MAPK10: variants seen among roughly 807,000 people sequenced by gnomAD.
MAPK10 encodes the protein mitogen-activated protein kinase 10, also known as JNK3 alpha protein kinase.
In MAPK10, 25 loss-of-function variants were observed where a neutral mutation model predicts 59.3. That is an observed-to-expected ratio of 0.42 (90% confidence interval 0.31 to 0.59). The LOEUF is 0.59. MAPK10 is among the 20% of genes least tolerant of loss of function. MAPK10 has a pLI of 0.15. For synonymous variants in MAPK10, 190 were observed against 200.5 expected (o/e 0.95, Z 0.44); for missense variants, 351 against 568.9 (o/e 0.62, Z 3.90).
chr4:86,294,089 C>T (rs938911985), intron 2 of MAPK10, among the ~76,000 whole-genome samples: 1 of 152,194 alleles, frequency 6.6e-6, no homozygotes, highest in Non-Finnish European at 1.5e-5. Context: ...CGGACATACA[C>T]CCGGCTTCTT....
intron 2 of MAPK10, among the ~76,000 whole-genome samples, chr4:86,323,504 T>TAAAAAAAAAAAA (rs1461999976): frequency 6.6e-6 from 1 of 152,182 alleles, no homozygotes; most frequent in Non-Finnish European, 1.5e-5. Flanking sequence ...TCCAAGATCA[T>TAAAAAAAAAAAA]ATAAAAAGCA....
At chr4:86,462,004 G>A (rs1249067381) in intron 1 of MAPK10, among the ~76,000 whole-genome samples, 1 of 152,142 alleles carries the variant, frequency 6.6e-6, no homozygotes, top group Non-Finnish European at 1.5e-5. Flanking sequence ...TGCCATGCAG[G>A]GCCCATCCTG....
At chr4:86,297,749 T>TC in intron 2 of MAPK10, among the ~76,000 whole-genome samples, 2 of 151,524 alleles carry the variant, frequency 1.3e-5, no homozygotes, top group South Asian at 2.1e-4. Context: ...TCTCTACTCT[T>TC]TACTCTAATT....
intron 4 of MAPK10, among the ~76,000 whole-genome samples, chr4:86,145,520 G>A (rs1200325724): frequency 1.3e-5 from 2 of 151,956 alleles, no homozygotes; most frequent in East Asian, 1.9e-4. Context: ...TCTTTTCAAA[G>A]CTACTTCTAT....
chr4:86,346,197 A>G (rs1298526673), intron 2 of MAPK10, among the ~76,000 whole-genome samples: 1 of 152,306 alleles, frequency 6.6e-6, no homozygotes, highest in East Asian at 1.9e-4. Flanking sequence ...AGGATAGTCA[A>G]ACAAACATAT....
intron 9 of MAPK10, among the ~76,000 whole-genome samples, chr4:86,071,623 T>G (rs1220654014): frequency 1.3e-5 from 2 of 150,848 alleles, no homozygotes; most frequent in East Asian, 3.9e-4. Context: ...CTAGCCAGTT[T>G]TCCCAGCACC....
At chr4:86,458,621 A>T (rs1308662672) in intron 1 of MAPK10, among the ~76,000 whole-genome samples, 1 of 152,228 alleles carries the variant, frequency 6.6e-6, no homozygotes, top group African/African-American at 2.4e-5. Context: ...CCAAATACTT[A>T]CAGCCAACTG....
At chr4:86,478,682 C>T (rs918190839) in intron 1 of MAPK10, among the ~76,000 whole-genome samples, 1 of 152,180 alleles carries the variant, frequency 6.6e-6, no homozygotes. Context: ...ACACCTGAGC[C>T]CCATGACTAT....
rs914890397 is a variant in MAPK10, at chr4:86,053,897, C to A, written c.1110+10369G>T. Among the ~76,000 whole-genome samples the A allele has an allele frequency of 7.2e-5, 11 of 152,228 alleles. No homozygotes were observed. In the East Asian group the frequency reaches 2.1e-3, roughly 29 times the overall value. On this transcript the variant is annotated intron_variant, in intron 11 of 13. Transcript: ENST00000641462. ...GGAAGAACCTGACAGAATACCTTAG[C>A]CATACCTCAGCCTTTCAGAGAGCAA... is the stretch of plus-strand genomic sequence containing the variant.
At chr4:86,030,113 A>G (rs2038657208) in intron 12 of MAPK10, among the ~76,000 whole-genome samples, 1 of 152,110 alleles carries the variant, frequency 6.6e-6, no homozygotes, top group African/African-American at 2.4e-5. Context: ...TGATGGTTAT[A>G]TCCTATCACC....
intron 2 of MAPK10, among the ~76,000 whole-genome samples, chr4:86,339,765 A>G (rs6531924): frequency 0.73 from 111,188 of 152,068 alleles, 41,247 homozygotes; most frequent in South Asian, 0.9. Context: ...TAACATACTT[A>G]AGATATTGCT....
At chr4:86,101,774 T>G in intron 7 of MAPK10, 120 bp downstream of exon 7, 1 of 951,532 alleles carries the variant, frequency 1.1e-6, no homozygotes, top group Non-Finnish European at 1.6e-6. Context: ...CTAATTCTAG[T>G]ATCAAAGAAA....
intron 2 of MAPK10, among the ~76,000 whole-genome samples, chr4:86,198,983 G>A (rs1235863955): frequency 6.6e-6 from 1 of 151,894 alleles, no homozygotes; most frequent in Non-Finnish European, 1.5e-5. Flanking sequence ...ATCATATTGG[G>A]ATACTATTTT....
chr4:86,189,987 T>C (rs536976158), intron 3 of MAPK10, among the ~76,000 whole-genome samples: 16 of 152,366 alleles, frequency 1.1e-4, no homozygotes, highest in Non-Finnish European at 8.8e-5. Context: ...AGGCCTTTTC[T>C]GCATCTATTG....
At chr4:86,020,376 C>G (rs536681638) in intron 13 of MAPK10, 1 of 152,278 alleles carries the variant, frequency 6.6e-6, no homozygotes, top group South Asian at 2.1e-4. Context: ...TTGGCTATTA[C>G]AAATAATGCT....
intron 2 of MAPK10, among the ~76,000 whole-genome samples, chr4:86,336,853 C>T (rs964810925): frequency 3.9e-5 from 5 of 128,078 alleles, no homozygotes; most frequent in Non-Finnish European, 7.7e-5. Context: ...TGCAGTGGTG[C>T]GATCTCAGCT....
rs185327342 is a variant in MAPK10 at position 86,375,011 on chromosome 4, T to C, written c.-121-20367A>G. 3.9e-5 allele frequency among the ~76,000 whole-genome samples: 6 copies of C among 152,340 alleles called. No homozygotes were observed. In the East Asian group the frequency reaches 7.7e-4, roughly 20 times the overall value. On this transcript the variant is annotated intron_variant, in intron 1 of 13. Coordinates refer to the MAPK10 transcript ENST00000361569. Reference sequence around the variant, plus strand: ...ATCAAGACAAAAACGTGTTCGGATATTGCTTCTGCTCTTTCATGGAGCTCA... The same window carrying C: ...ATCAAGACAAAAACGTGTTCGGATACTGCTTCTGCTCTTTCATGGAGCTCA...
intron 10 of MAPK10, chr4:86,064,859 A>C (rs2046417666): frequency 6.6e-6 from 1 of 152,482 alleles, no homozygotes; most frequent in South Asian, 2.1e-4. Flanking sequence ...TTGACTTAAG[A>C]GTTTGTATCA....
chr4:86,527,640 C>A (rs1432106494), intron 1 of MAPK10, among the ~76,000 whole-genome samples: 1 of 152,184 alleles, frequency 6.6e-6, no homozygotes, highest in Non-Finnish European at 1.5e-5. Flanking sequence ...TACTATTCGA[C>A]CTGGCAATCC....
Sources: gnomAD v4.1 joint callset for allele counts (sites outside exome capture counted in the v4.1 genomes callset) on GRCh38, gnomAD v4.1.1 for gene constraint, MANE v1.5 for transcripts, NCBI Gene and HGNC (gene_info 2026-07-23, HGNC 2026-07-21) for gene names.